The following NRXN1 variants were observed in gnomAD, a reference collection of about 807,000 sequenced individuals.
The protein encoded by NRXN1 is neurexin-1.
NRXN1 carries 39 observed loss-of-function variants against 150.9 expected under a neutral mutation model. That is an observed-to-expected ratio of 0.26 (90% CI 0.20 to 0.34). The LOEUF (loss-of-function observed/expected upper bound fraction) is 0.34. Ranked by LOEUF, NRXN1 falls within the 10% of genes least tolerant of loss-of-function variation. The pLI is 1.00. For missense variants in NRXN1, 1,815 were observed against 1,949.9 expected (o/e 0.93, Z 1.30); for synonymous variants, 924 against 757.0 (o/e 1.22, Z -3.62).
intron 12 of NRXN1, among the ~76,000 whole-genome samples, chr2:50,515,600 G>GGGGT (rs952552460): frequency 9.4e-4 from 135 of 143,512 alleles, no homozygotes; most frequent in South Asian, 6.8e-4. Context: ...AAATGCTTGG[G>GGGGT]GTGTGTGTGT....
At chr2:50,320,834 G>C (rs1298793181) in intron 17 of NRXN1, among the ~76,000 whole-genome samples, 1 of 152,084 alleles carries the variant, frequency 6.6e-6, no homozygotes, top group African/African-American at 2.4e-5. Context: ...TTCATTCATT[G>C]AACTATTGGA....
chr2:50,813,969 AG>A (rs1323673708), intron 5 of NRXN1, among the ~76,000 whole-genome samples: 33 of 152,222 alleles, frequency 2.2e-4, no homozygotes, highest in Non-Finnish European at 4.1e-4. Flanking sequence ...AGGAGATCAT[AG>A]CCAAGTTTCT....
intron 17 of NRXN1, among the ~76,000 whole-genome samples, chr2:50,323,327 G>A (rs147168231): frequency 1.5e-3 from 222 of 152,220 alleles, no homozygotes; most frequent in African/African-American, 4.9e-3. Flanking sequence ...CAATCCTAAG[G>A]TGAAGCTGAT....
intron 21 of NRXN1, among the ~76,000 whole-genome samples, chr2:49,995,165 A>G (rs1186291048): frequency 6.6e-6 from 1 of 152,230 alleles, no homozygotes; most frequent in Non-Finnish European, 1.5e-5. Flanking sequence ...CTGTAGAGTC[A>G]AGACATGAAA....
At chr2:49,945,404 T>TTA (rs1672713842) in intron 21 of NRXN1, among the ~76,000 whole-genome samples, 2 of 151,654 alleles carry the variant, frequency 1.3e-5, no homozygotes, top group Admixed American at 1.3e-4. Flanking sequence ...TTTTTTTTTT[T>TTA]ATTATACTTT....
chr2:50,084,603 C>G (rs79666735), intron 19 of NRXN1, among the ~76,000 whole-genome samples: 5,312 of 152,272 alleles, frequency 0.035, 322 homozygotes, highest in African/African-American at 0.12. Flanking sequence ...CCACACCCCC[C>G]GCAGGCTGAG....
chr2:50,600,789 A>G (rs1164485152), intron 8 of NRXN1, among the ~76,000 whole-genome samples: 1 of 152,250 alleles, frequency 6.6e-6, no homozygotes, highest in Non-Finnish European at 1.5e-5. Context: ...GATGACAGAC[A>G]AGAAAGTCAA....
intron 5 of NRXN1, among the ~76,000 whole-genome samples, chr2:50,727,939 A>C (rs1421930234): frequency 1.3e-5 from 2 of 152,160 alleles, no homozygotes; most frequent in East Asian, 3.9e-4. Context: ...ATCTCTTTAC[A>C]AATTAGAGAA....
intron 18 of NRXN1, among the ~76,000 whole-genome samples, chr2:50,228,985 G>A (rs188062966): frequency 6.6e-6 from 1 of 152,074 alleles, no homozygotes; most frequent in East Asian, 1.9e-4. Flanking sequence ...ATCTCCTAAA[G>A]TAACTCCTAG....
chr2:50,933,065 C>T (rs926153478), intron 2 of NRXN1, among the ~76,000 whole-genome samples: 3 of 151,894 alleles, frequency 2.0e-5, no homozygotes, highest in African/African-American at 2.4e-5. Context: ...CAAAAAAACA[C>T]GCATTTAGAA....
intron 12 of NRXN1, among the ~76,000 whole-genome samples, chr2:50,524,797 CCAG>C (rs1004539247): frequency 4.6e-5 from 7 of 151,890 alleles, no homozygotes; most frequent in African/African-American, 1.7e-4. Flanking sequence ...TTTAAGGTTA[CCAG>C]AAGAAGAGAG....
chr2:50,235,328 A>G (rs924137535), intron 18 of NRXN1, among the ~76,000 whole-genome samples: 1 of 152,070 alleles, frequency 6.6e-6, no homozygotes, highest in Non-Finnish European at 1.5e-5. Context: ...TTTGATTGTT[A>G]GAAATTTGCT....
intron 5 of NRXN1, among the ~76,000 whole-genome samples, chr2:50,766,718 G>C (rs542655424): frequency 2.0e-4 from 31 of 151,950 alleles, no homozygotes; most frequent in Non-Finnish European, 4.0e-4. Context: ...GGTCCCACCA[G>C]TAGATAAACT....
intron 17 of NRXN1, among the ~76,000 whole-genome samples, chr2:50,350,282 C>T (rs1022348373): frequency 6.6e-6 from 1 of 152,174 alleles, no homozygotes; most frequent in African/African-American, 2.4e-5. Context: ...GTATTTTCTC[C>T]ATAAGGCACA....
At chr2:50,112,652 T>C (rs140642765) in intron 18 of NRXN1, among the ~76,000 whole-genome samples, 100 of 152,346 alleles carry the variant, frequency 6.6e-4, no homozygotes, top group African/African-American at 2.2e-3. Flanking sequence ...GGCTTTGGTA[T>C]GCAGTGTAAG....
chr2:50,905,498 C>T (rs1455110969), intron 5 of NRXN1, among the ~76,000 whole-genome samples: 1 of 152,084 alleles, frequency 6.6e-6, no homozygotes, highest in Non-Finnish European at 1.5e-5. Flanking sequence ...CAGAAAGCTA[C>T]CAATTCTTTC....
intron 2 of NRXN1, among the ~76,000 whole-genome samples, chr2:50,987,855 C>A (rs7574611): frequency 0.34 from 52,262 of 151,724 alleles, 9,828 homozygotes; most frequent in Non-Finnish European, 0.43. Context: ...CAGTTTGTAG[C>A]AGCTGCAGAA....
chr2:50,199,562 A>G (rs987703631), intron 18 of NRXN1, among the ~76,000 whole-genome samples: 2 of 150,466 alleles, frequency 1.3e-5, no homozygotes, highest in Admixed American at 6.7e-5. Context: ...ACACACACAC[A>G]CACACATGCA....
intron 18 of NRXN1, among the ~76,000 whole-genome samples, chr2:50,140,642 T>C (rs1574128183): frequency 6.6e-6 from 1 of 151,736 alleles, no homozygotes; most frequent in African/African-American, 2.4e-5. Context: ...GACCACTTTG[T>C]TCGATATTCT....
Sources: allele counts gnomAD v4.1 joint callset (sites outside exome capture counted in the v4.1 genomes callset), GRCh38; gene constraint gnomAD v4.1.1; transcripts MANE v1.5; gene names NCBI Gene and HGNC (gene_info 2026-07-23, HGNC 2026-07-21).